PPM1L: variants seen among roughly 807,000 people sequenced by gnomAD.
PPM1L encodes the protein protein phosphatase, Mg2+/Mn2+ dependent 1L, also known as protein phosphatase 1L.
PPM1L carries 13 observed loss-of-function variants against 31.4 expected under a neutral mutation model. That is an observed-to-expected ratio of 0.41 (90% CI 0.27 to 0.66). The LOEUF (loss-of-function observed/expected upper bound fraction) is 0.66, where lower values mean the gene tolerates loss of function less well. Ranked by LOEUF, PPM1L falls within the 30% of genes least tolerant of loss-of-function variation. The pLI is 0.29. For missense variants in PPM1L, 326 were observed against 453.7 expected (o/e 0.72, Z 2.56); for synonymous variants, 184 against 175.4 (o/e 1.05, Z -0.39).
intron 1 of PPM1L, among the ~76,000 whole-genome samples, chr3:160,794,475 A>G (rs1281904537): frequency 1.3e-5 from 2 of 152,220 alleles, no homozygotes; most frequent in Non-Finnish European, 2.9e-5. Flanking sequence ...AGCATTTGGT[A>G]TGAGAGGAAA....
rs1261984194 is a variant in PPM1L at position 161,073,012 on chromosome 3, G to A, written c.*3855G>A. ...ATACTATGCCTGTTTAATTGCCTCT[G>A]GATTAAGTCATTGATAGCTAGACTT... On this transcript the variant is annotated 3_prime_UTR_variant, in exon 4 of 4. Transcript: ENST00000498165. 6.6e-6 allele frequency: 1 copy of A among 152,146 alleles called. No homozygotes were observed. The highest frequency in any genetic ancestry group is 1.5e-5 in the Non-Finnish European group (1 of 68,020). The allele number at this position is 152,146 out of a possible 1,614,324, so 9.4% of individuals were successfully genotyped here. A position where few individuals can be genotyped will look rare whatever the true frequency, so the allele number is the denominator to read the frequency against.
At chr3:160,776,924 C>T (rs1223558107) in intron 1 of PPM1L, among the ~76,000 whole-genome samples, 1 of 151,220 alleles carries the variant, frequency 6.6e-6, no homozygotes, top group Non-Finnish European at 1.5e-5. Context: ...AGAATGGGTG[C>T]CCTATAAAGG....
chr3:160,887,227 A>G (rs1054071794), intron 1 of PPM1L, among the ~76,000 whole-genome samples: 5 of 152,112 alleles, frequency 3.3e-5, no homozygotes, highest in Admixed American at 3.3e-4. Context: ...GACTGAAACT[A>G]TGATTGATTG....
At chr3:160,916,299 A>G (rs1373025667) in intron 1 of PPM1L, among the ~76,000 whole-genome samples, 1 of 152,224 alleles carries the variant, frequency 6.6e-6, no homozygotes, top group Non-Finnish European at 1.5e-5. Context: ...GTGAAAACAC[A>G]CATGAAAAAA....
At position 160,927,639 on chromosome 3, in the gene PPM1L, C is replaced by T. The variant is rs181931238; in HGVS notation, c.400-34097C>T. On this transcript the variant is annotated intron_variant, in intron 1 of 3. Transcript: ENST00000498165. ...GTGTGTGTGTGTGTGCGTGCGTGTG[C>T]GTGCGCGCGCATGCACGTAAATGCG... 6.6e-4 allele frequency among the ~76,000 whole-genome samples: 100 copies of T among 151,722 alleles called. 1 individual carries two copies. The East Asian group carries it at 0.016, about 24-fold the overall frequency.
chr3:160,992,693 T>A (rs1453056080), intron 2 of PPM1L, among the ~76,000 whole-genome samples: 1 of 152,244 alleles, frequency 6.6e-6, no homozygotes, highest in Non-Finnish European at 1.5e-5. Flanking sequence ...GTTCACAGTT[T>A]ACCAATACAG....
At chr3:160,977,279 G>T (rs1716622181) in intron 2 of PPM1L, among the ~76,000 whole-genome samples, 1 of 152,182 alleles carries the variant, frequency 6.6e-6, no homozygotes, top group Admixed American at 6.6e-5. Context: ...GCTCCTGGAT[G>T]TGCTCTTTAG....
chr3:161,066,465 G>C (rs779898745), intron 3 of PPM1L, among the ~76,000 whole-genome samples: 4 of 152,226 alleles, frequency 2.6e-5, no homozygotes, highest in Non-Finnish European at 5.9e-5. Flanking sequence ...CAGGTAAGGG[G>C]AGTGTCAGGG....
intron 3 of PPM1L, among the ~76,000 whole-genome samples, chr3:161,066,767 A>C (rs974037450): frequency 3.3e-5 from 5 of 152,184 alleles, no homozygotes; most frequent in African/African-American, 9.7e-5. Flanking sequence ...GTTAATCTGC[A>C]CATTGACTCT....
intron 2 of PPM1L, among the ~76,000 whole-genome samples, chr3:160,979,142 G>A (rs1222263100): frequency 1.3e-5 from 2 of 152,058 alleles, no homozygotes; most frequent in Non-Finnish European, 2.9e-5. Flanking sequence ...TATCACTAAT[G>A]AATTTAAATA....
intron 1 of PPM1L, among the ~76,000 whole-genome samples, chr3:160,799,417 T>A (rs60447858): frequency 0.053 from 8,058 of 152,246 alleles, 703 homozygotes; most frequent in African/African-American, 0.18. Context: ...ACCAGCAAAA[T>A]TGCTGAAGGC....
intron 1 of PPM1L, among the ~76,000 whole-genome samples, chr3:160,791,718 C>T (rs972909): frequency 0.42 from 64,025 of 151,834 alleles, 14,278 homozygotes; most frequent in East Asian, 0.6. Flanking sequence ...AAAATATAAA[C>T]GGAGAAATAA....
Position 161,075,540 on chromosome 3 carries a change from G to A in PPM1L, c.*6383G>A, listed in dbSNP as rs912915079. ...CTTCCTTTTGTAGGACTGATGGCAC[G>A]GGCAGAATCACATTTAAGAAAAATG... On this transcript the variant is annotated 3_prime_UTR_variant, in exon 4 of 4. Coordinates refer to ENST00000498165, the MANE Select transcript of PPM1L (RefSeq NM_139245.4). 6.6e-5 allele frequency: 10 copies of A among 152,132 alleles called. No individual in the cohort carries two copies. Among genetic ancestry groups the A allele is most frequent in the South Asian group, 2.1e-4 (1 of 4,826 alleles). The allele number at this position is 152,132 out of a possible 1,614,324, so 9.4% of individuals were successfully genotyped here. A position where few individuals can be genotyped will look rare whatever the true frequency, so the allele number is the denominator to read the frequency against.
At chr3:160,914,643 T>C (rs1350295153) in intron 1 of PPM1L, among the ~76,000 whole-genome samples, 1 of 152,174 alleles carries the variant, frequency 6.6e-6, no homozygotes, top group Non-Finnish European at 1.5e-5. Flanking sequence ...GGCTGCATAG[T>C]ATTCCATGGT....
chr3:160,804,093 C>CTT (rs1255359891), intron 1 of PPM1L, among the ~76,000 whole-genome samples: 28 of 144,860 alleles, frequency 1.9e-4, no homozygotes, highest in African/African-American at 6.5e-4. Context: ...AATTTTTTTT[C>CTT]TTTTTTTTTT....
intron 1 of PPM1L, among the ~76,000 whole-genome samples, chr3:160,895,741 T>C (rs1440159664): frequency 6.6e-6 from 1 of 152,200 alleles, no homozygotes; most frequent in African/African-American, 2.4e-5. Context: ...CCAATATCTG[T>C]TGGTGAATAA....
chr3:160,860,801 G>A (rs1480010391), intron 1 of PPM1L, among the ~76,000 whole-genome samples: 2 of 152,154 alleles, frequency 1.3e-5, no homozygotes, highest in African/African-American at 4.8e-5. Context: ...TTTGCAGGTG[G>A]CTGCCTTCCT....
chr3:160,908,096 G>A (rs1713824789), intron 1 of PPM1L, among the ~76,000 whole-genome samples: 2 of 152,208 alleles, frequency 1.3e-5, no homozygotes, highest in Admixed American at 1.3e-4. Flanking sequence ...TATTGTCTGT[G>A]TTTGGCTATT....
chr3:160,757,806 A>G (rs1714855110), intron 1 of PPM1L, among the ~76,000 whole-genome samples: 1 of 152,150 alleles, frequency 6.6e-6, no homozygotes, highest in Non-Finnish European at 1.5e-5. Flanking sequence ...CTCCCATACA[A>G]GTTTTCCCCC....
Sources: allele counts gnomAD v4.1 joint callset (sites outside exome capture counted in the v4.1 genomes callset), GRCh38; gene constraint gnomAD v4.1.1; transcripts MANE v1.5; gene names NCBI Gene and HGNC (gene_info 2026-07-23, HGNC 2026-07-21).